The following WLS variants were observed in gnomAD, a reference collection of about 807,000 sequenced individuals.
The protein encoded by WLS is protein wntless homolog.
WLS carries 23 observed loss-of-function variants against 62.8 expected under a neutral mutation model. The ratio of observed to expected loss-of-function variants is 0.37; its 90% CI spans 0.26 to 0.52. WLS has a LOEUF of 0.52. Among genes scored for constraint, WLS ranks in the 20% least tolerant of loss-of-function variants. The probability of loss-of-function intolerance (pLI) is 0.92; values close to 1 mark genes in which losing one functional copy is unlikely to be tolerated. For missense variants in WLS, 615 were observed against 697.3 expected, an observed-to-expected ratio of 0.88 and a Z score of 1.33; for synonymous variants, 246 against 244.1, an observed-to-expected ratio of 1.01 and a Z score of -0.07.
chr1:68,201,279 T>C (rs1189639716), intron 1 of WLS, among the ~76,000 whole-genome samples: 2 of 152,220 alleles, frequency 1.3e-5, no homozygotes, highest in Non-Finnish European at 2.9e-5. Context: ...ACCACTTATC[T>C]AAGTTTTGGG....
chr1:68,124,236 G>C (rs1476361490), downstream of WLS, among the ~76,000 whole-genome samples: 1 of 152,100 alleles, frequency 6.6e-6, no homozygotes, highest in African/African-American at 2.4e-5. Flanking sequence ...GCCTCTCCAG[G>C]CTCCAGTGAT....
chr1:68,111,838 T>C (rs774526537), intron 11 of WLS, among the ~76,000 whole-genome samples: 2 of 152,186 alleles, frequency 1.3e-5, no homozygotes, highest in African/African-American at 2.4e-5. Flanking sequence ...CTGCCCCTCC[T>C]TGCCAGAAGA....
intron 3 of WLS, among the ~76,000 whole-genome samples, chr1:68,156,983 G>C (rs1288754424): frequency 6.6e-6 from 1 of 152,192 alleles, no homozygotes; most frequent in African/African-American, 2.4e-5. Flanking sequence ...ACTTGAGGGC[G>C]GAAGGGAACA....
At position 68,230,588 on chromosome 1, in the gene WLS, C is replaced by CGTGTGTGT. The variant is rs145944948; in HGVS notation, c.106+1598_106+1605dup. On this transcript the variant is annotated intron_variant, in intron 1 of 11. Coordinates refer to ENST00000262348, the MANE Select transcript of WLS (RefSeq NM_024911.7). The stretch of plus-strand genomic sequence containing the variant: ...GCCAACCCGTGTGTGTGTGTGCGCG[C>CGTGTGTGT]GTGTGTGTGTGTGTGTGTGTGTGTG... Among the ~76,000 whole-genome samples, 854 of 149,146 alleles carry CGTGTGTGT rather than the reference C, an allele frequency of 5.7e-3. 7 individuals carry two copies. The highest frequency in any genetic ancestry group is 0.019 in the African/African-American group (774 of 40,522).
chr1:68,200,160 T>C (rs879610801), intron 1 of WLS, among the ~76,000 whole-genome samples: 2 of 152,134 alleles, frequency 1.3e-5, no homozygotes, highest in Non-Finnish European at 1.5e-5. Flanking sequence ...TTTAGAGAAT[T>C]TTATGTTTAC....
At chr1:68,195,034 G>A (rs1250756408) in intron 1 of WLS, among the ~76,000 whole-genome samples, 1 of 152,066 alleles carries the variant, frequency 6.6e-6, no homozygotes, top group African/African-American at 2.4e-5. Context: ...AACCACTGTT[G>A]GAAAATGTCA....
intron 2 of WLS, among the ~76,000 whole-genome samples, chr1:68,181,690 T>A (rs1438116505): frequency 6.6e-6 from 1 of 152,164 alleles, no homozygotes; most frequent in African/African-American, 2.4e-5. Flanking sequence ...AACGAGGAGA[T>A]CCTGCCCTGG....
At chr1:68,148,418 C>A (rs973702992) in intron 7 of WLS, 145 bp downstream of exon 7, 44 of 936,256 alleles carry the variant, frequency 4.7e-5, no homozygotes, top group Non-Finnish European at 6.6e-5. Context: ...GATCCCAGAC[C>A]TTGTCTGAGG....
intron 3 of WLS, among the ~76,000 whole-genome samples, chr1:68,157,014 C>T (rs1351918901): frequency 6.6e-6 from 1 of 152,172 alleles, no homozygotes; most frequent in Non-Finnish European, 1.5e-5. Flanking sequence ...AGTCTAATTC[C>T]ATCTGGTGTG....
chr1:68,229,628 G>C (rs1443046073), intron 1 of WLS, among the ~76,000 whole-genome samples: 5 of 152,048 alleles, frequency 3.3e-5, no homozygotes, highest in African/African-American at 1.2e-4. Context: ...TCCAGCTTAG[G>C]GAAGTTTGGT....
chr1:68,110,651 A>ATCTCTCTCTCTCTCTCTCTCTCTCTCTC (rs752431176), intron 11 of WLS, among the ~76,000 whole-genome samples: 1 of 126,152 alleles, frequency 7.9e-6, no homozygotes, highest in African/African-American at 3.1e-5. Context: ...GCCCCCAAAA[A>ATCTCTCTCTCTCTCTCTCTCTCTCTCTC]TCTCTGTCTC....
intron 2 of WLS, 159 bp downstream of exon 2, chr1:68,193,796 G>A (rs1648500899): frequency 1.1e-6 from 1 of 929,312 alleles, no homozygotes; most frequent in Non-Finnish European, 1.6e-6. Context: ...GATTAAATGG[G>A]TTAATACAGG....
At chr1:68,130,284 C>T (rs1388202802) in intron 11 of WLS, among the ~76,000 whole-genome samples, 1 of 152,276 alleles carries the variant, frequency 6.6e-6, no homozygotes, top group South Asian at 2.1e-4. Flanking sequence ...TAGAGGTCTT[C>T]TAATATTAAT....
chr1:68,197,968 G>T (rs1439473394), intron 1 of WLS, among the ~76,000 whole-genome samples: 1 of 152,172 alleles, frequency 6.6e-6, no homozygotes, highest in Non-Finnish European at 1.5e-5. Context: ...AATAGAGTTT[G>T]TGTATTCAAG....
intron 2 of WLS, among the ~76,000 whole-genome samples, chr1:68,177,313 G>T (rs1419807770): frequency 6.6e-6 from 1 of 152,098 alleles, no homozygotes; most frequent in Non-Finnish European, 1.5e-5. Context: ...TGTGCAAATG[G>T]GGTCTATGCA....
At chr1:68,116,701 T>C (rs773194868) in intron 11 of WLS, among the ~76,000 whole-genome samples, 7 of 152,224 alleles carry the variant, frequency 4.6e-5, no homozygotes, top group Admixed American at 3.3e-4. Flanking sequence ...GGAGTCTTTG[T>C]CTATGTTGGT....
At chr1:68,098,785 A>G in intron 11 of WLS, 1 of 1,601,156 alleles carries the variant, frequency 6.2e-7, no homozygotes, top group Non-Finnish European at 8.5e-7. Context: ...AAAACCATGC[A>G]AAATATCCTT....
At chr1:68,104,209 A>C (rs1646115260) in intron 11 of WLS, among the ~76,000 whole-genome samples, 1 of 152,076 alleles carries the variant, frequency 6.6e-6, no homozygotes, top group Admixed American at 6.5e-5. Flanking sequence ...AAAAAGCAAA[A>C]TCTAAGTGCA....
At chr1:68,170,165 T>TTTC (rs1553131211) in intron 2 of WLS, among the ~76,000 whole-genome samples, 1 of 141,040 alleles carries the variant, frequency 7.1e-6, no homozygotes, top group Non-Finnish European at 1.6e-5. Flanking sequence ...TATTTCTTTT[T>TTTC]TTTTTTTTTT....
Sources: gnomAD v4.1 joint callset for allele counts (sites outside exome capture counted in the v4.1 genomes callset) on GRCh38, gnomAD v4.1.1 for gene constraint, MANE v1.5 for transcripts, NCBI Gene and HGNC (gene_info 2026-07-23, HGNC 2026-07-21) for gene names.